The following AHI1 variants were observed in gnomAD, a reference collection of about 807,000 sequenced individuals.
AHI1 encodes Abelson helper integration site 1, also known as jouberin.
Under a neutral mutation model 149.3 loss-of-function variants are expected in AHI1, and 123 were observed. The observed-to-expected ratio is 0.82, with a 90% CI of 0.71 to 0.96. The LOEUF is 0.96. Among genes scored for constraint, AHI1 ranks in the 40% least tolerant of loss-of-function variants. The probability of loss-of-function intolerance (pLI) is 0.00; values close to 1 mark genes in which losing one functional copy is unlikely to be tolerated. For synonymous variants in AHI1, 475 were observed against 459.8 expected, an observed-to-expected ratio of 1.03 and a Z score of -0.42; for missense variants, 1,439 against 1,422.7, an observed-to-expected ratio of 1.01 and a Z score of -0.18.
intron 22 of AHI1, among the ~76,000 whole-genome samples, chr6:135,404,010 G>A (rs114546353): frequency 2.5e-3 from 371 of 150,530 alleles, no homozygotes; most frequent in African/African-American, 8.7e-3. Context: ...ATGGTAGTAG[G>A]TGCCCACTGA....
At chr6:135,450,755 C>T (rs1562201458) in intron 11 of AHI1, among the ~76,000 whole-genome samples, 1 of 151,984 alleles carries the variant, frequency 6.6e-6, no homozygotes, top group Non-Finnish European at 1.5e-5. Flanking sequence ...CAAGACCCTG[C>T]CATTATGGTT....
At chr6:135,294,449 C>CAA (rs1170977346) in intron 27 of AHI1, among the ~76,000 whole-genome samples, 3 of 151,224 alleles carry the variant, frequency 2.0e-5, no homozygotes, top group Non-Finnish European at 4.4e-5. Context: ...GCAGAGGTTG[C>CAA]AGTGAGCCAA....
chr6:135,390,351 A>G (rs1274484853), intron 23 of AHI1, among the ~76,000 whole-genome samples: 1 of 152,242 alleles, frequency 6.6e-6, no homozygotes, highest in African/African-American at 2.4e-5. Context: ...AGGAAATAGG[A>G]TGTCCTCCTT....
At chr6:135,296,385 G>C (rs1159670537) in intron 27 of AHI1, among the ~76,000 whole-genome samples, 1 of 152,132 alleles carries the variant, frequency 6.6e-6, no homozygotes, top group Non-Finnish European at 1.5e-5. Flanking sequence ...TAAATTGTTA[G>C]GTCACTTCCT....
At chr6:135,457,807 A>T (rs1395292512) in intron 8 of AHI1, 94 bp from the exon 9 acceptor site, 1 of 1,214,400 alleles carries the variant, frequency 8.2e-7, no homozygotes, top group African/African-American at 1.5e-5. Context: ...TGATGATCTC[A>T]CTGTGTTCAA....
intron 23 of AHI1, among the ~76,000 whole-genome samples, chr6:135,380,386 T>C (rs1776567773): frequency 6.6e-6 from 1 of 152,182 alleles, no homozygotes; most frequent in Non-Finnish European, 1.5e-5. Flanking sequence ...CTAGAGATTA[T>C]TTAAAGTATA....
At chr6:135,402,406 T>G (rs1424386092) in intron 22 of AHI1, among the ~76,000 whole-genome samples, 2 of 152,150 alleles carry the variant, frequency 1.3e-5, no homozygotes, top group African/African-American at 4.8e-5. Context: ...AGCTAAAAAG[T>G]AGAAACAACC....
In AHI1 at chr6:135,323,335, G is replaced by C; in HGVS notation, c.3166-11C>G. ...ATAAAGAGCCACTACCTAAGAGAGA[G>C]ATAAGACCACCACAGCTTTATCACA... On this transcript the variant is annotated splice_polypyrimidine_tract_variant and intron_variant, in intron 24 of 28. Transcript: ENST00000265602. 1 of 1,611,986 alleles carries C rather than the reference G, an allele frequency of 6.2e-7. No homozygotes were observed. The highest frequency in any genetic ancestry group is 8.5e-7 in the Non-Finnish European group (1 of 1,178,896).
Position 135,465,968 on chromosome 6 carries a change from C to A in AHI1, c.595G>T (p.Glu199Ter). 6.2e-7 allele frequency: 1 copy of A among 1,613,036 alleles called. No homozygotes were observed. The highest frequency in any genetic ancestry group is 1.1e-5 in the South Asian group (1 of 90,488). The change falls in exon 7 of 29, where the codon GAA becomes TAA. Residue 199 changes from glutamate to a stop codon, truncating the protein, a stop_gained. Transcript: ENST00000265602. LOFTEE classifies it high-confidence loss of function. ...TTCCTCTTAATCTCCTTTGCCATTT[C>A]TTCAGTTACATGGCACTGATATGCT... ...MQAYQCHVTE[E>*]MAKEIKRKIR...
chr6:135,314,909 T>C (rs998116151), intron 26 of AHI1, among the ~76,000 whole-genome samples: 1 of 152,210 alleles, frequency 6.6e-6, no homozygotes, highest in Non-Finnish European at 1.5e-5. Flanking sequence ...CTGTCAATAT[T>C]GGCTGCACAT....
rs767007511 is a variant in AHI1 at position 135,404,962 on chromosome 6, A to G, written c.2977T>C (p.Cys993Arg). ...LETVTEVIRS[C>R]AAKVNKNLSF... is the part of the protein sequence containing the mutation. ...TAAAAACTACTTACTTTTGCAGCAC[A>G]GGAACGTATCACCTCCTAAAAGAAA... The change falls in exon 22 of 29, where the codon TGT (cysteine) becomes CGT (arginine). Residue 993 changes from cysteine to arginine, a missense_variant. Cys to Arg is a radical substitution (Grantham distance 180). Coordinates refer to ENST00000265602, the MANE Select transcript of AHI1 (RefSeq NM_001134831.2). The G allele has an allele frequency of 6.2e-7, 1 of 1,608,604 alleles. No homozygotes were observed. The highest frequency in any genetic ancestry group is 8.5e-7 in the Non-Finnish European group (1 of 1,175,526).
chr6:135,350,702 C>T (rs1465315753), intron 24 of AHI1, among the ~76,000 whole-genome samples: 1 of 152,046 alleles, frequency 6.6e-6, no homozygotes, highest in East Asian at 1.9e-4. Context: ...CAAGAAAAGG[C>T]CTATTATGCA....
chr6:135,385,842 T>C lies in AHI1; in HGVS notation c.3109+8934A>G, dbSNP rs373495379. Among the ~76,000 whole-genome samples, 12 of 152,306 alleles carry C rather than the reference T, an allele frequency of 7.9e-5. 1 individual carries two copies. Among genetic ancestry groups the C allele is most frequent in the East Asian group, 1.9e-4 (1 of 5,188 alleles). On this transcript the variant is annotated intron_variant, in intron 23 of 28. Coordinates refer to ENST00000265602, the MANE Select transcript of AHI1 (RefSeq NM_001134831.2). ...ACAAAACAAAACAAGGAAACATTGATTGATTTAGGAAGGTGTAATGGCAGA... is the reference window on the plus strand; with the variant it reads ...ACAAAACAAAACAAGGAAACATTGACTGATTTAGGAAGGTGTAATGGCAGA...
chr6:135,455,834 GAT>G lies in AHI1; in HGVS notation c.1242_1243del (p.Lys414AsnfsTer13), dbSNP rs1554209758. On this transcript the variant is annotated frameshift_variant, in exon 10 of 29. Transcript: ENST00000265602. LOFTEE classifies it high-confidence loss of function. ...TTGTTCTTCCCACTCTGGAAGTCTT[GAT>G]TTTAACTGTTTAAAATCATATGGCT... 1.3e-6 allele frequency: 2 copies of G among 1,599,588 alleles called. No homozygotes were observed. The highest frequency in any genetic ancestry group is 1.7e-6 in the Non-Finnish European group (2 of 1,171,680).
At chr6:135,492,640 A>C in intron 3 of AHI1, 1 of 985,426 alleles carries the variant, frequency 1.0e-6, no homozygotes, top group Non-Finnish European at 1.2e-6. Context: ...TAAGAAACCA[A>C]ACTCCATCTC....
At chr6:135,381,144 G>C (rs1404386080) in intron 23 of AHI1, among the ~76,000 whole-genome samples, 1 of 151,700 alleles carries the variant, frequency 6.6e-6, no homozygotes, top group Non-Finnish European at 1.5e-5. Flanking sequence ...AGACTAAAAA[G>C]ACTGAGATAA....
At chr6:135,438,228 G>T in intron 15 of AHI1, 147 bp downstream of exon 15, 1 of 663,636 alleles carries the variant, frequency 1.5e-6, no homozygotes, top group Non-Finnish European at 2.3e-6. Flanking sequence ...TATAATTTAT[G>T]GAATCAGTCT....
chr6:135,485,535 C>T (rs1468892560), intron 5 of AHI1, among the ~76,000 whole-genome samples: 1 of 152,150 alleles, frequency 6.6e-6, no homozygotes, highest in African/African-American at 2.4e-5. Context: ...ATATAAAGTG[C>T]AACCTATGTG....
intron 24 of AHI1, among the ~76,000 whole-genome samples, chr6:135,340,805 T>A (rs1342427533): frequency 2.7e-5 from 4 of 150,488 alleles, no homozygotes; most frequent in Admixed American, 6.6e-5. Flanking sequence ...GTAATTTGTA[T>A]AAAACCAGCA....
Sources: gnomAD v4.1 joint callset for allele counts (sites outside exome capture counted in the v4.1 genomes callset) on GRCh38, gnomAD v4.1.1 for gene constraint, MANE v1.5 for transcripts, NCBI Gene and HGNC (gene_info 2026-07-23, HGNC 2026-07-21) for gene names.